Variants in EYS observed in about 807,000 individuals in gnomAD.
The protein encoded by EYS is protein eyes shut homolog.
In EYS, 250 loss-of-function variants were observed where a neutral mutation model predicts 282.1. The ratio of observed to expected loss-of-function variants is 0.89; its 90% CI spans 0.80 to 0.98. The LOEUF is 0.98. Ranked by LOEUF, EYS falls within the 50% of genes least tolerant of loss-of-function variation. The pLI, the probability that EYS is intolerant of heterozygous loss-of-function variation, is 0.00. For synonymous variants in EYS, 1,355 were observed against 1,282.9 expected (o/e 1.06, Z -1.20); for missense variants, 4,016 against 3,709.0 (o/e 1.08, Z -2.15).
intron 26 of EYS, among the ~76,000 whole-genome samples, chr6:64,483,640 G>A (rs1330235432): frequency 1.3e-5 from 2 of 151,404 alleles, no homozygotes; most frequent in African/African-American, 2.4e-5. Context: ...TTCTGAATAG[G>A]GAAGCCTGCC....
intron 12 of EYS, among the ~76,000 whole-genome samples, chr6:65,148,828 G>C (rs1206539773): frequency 6.6e-6 from 1 of 152,058 alleles, no homozygotes; most frequent in Non-Finnish European, 1.5e-5. Flanking sequence ...CTTGACTTCT[G>C]TGTACCCACA....
At chr6:65,059,528 A>G (rs929618168) in intron 12 of EYS, among the ~76,000 whole-genome samples, 3 of 152,096 alleles carry the variant, frequency 2.0e-5, no homozygotes, top group Non-Finnish European at 4.4e-5. Flanking sequence ...TCTTCCTTAC[A>G]CTTCAAAGGG....
intron 36 of EYS, among the ~76,000 whole-genome samples, chr6:63,838,826 T>C (rs1771875882): frequency 6.6e-6 from 1 of 152,194 alleles, no homozygotes. Context: ...AAATTCTAGA[T>C]ATTATAGCTC....
chr6:65,694,919 T>C lies in EYS; in HGVS notation c.-448+12216A>G, dbSNP rs535903097. Among the ~76,000 whole-genome samples, 3 of 152,026 alleles carry C rather than the reference T, an allele frequency of 2.0e-5. No individual in the cohort carries two copies. In the South Asian group the frequency reaches 6.2e-4, roughly 32 times the overall value. The stretch of plus-strand genomic sequence containing the variant: ...AAAAATTATTAATAAAATATAAAAT[T>C]TGATATAATGACTAAGAGAGAAAAT... On this transcript the variant is annotated intron_variant, in intron 1 of 42. Coordinates refer to ENST00000503581, the MANE Select transcript of EYS (RefSeq NM_001142800.2).
At chr6:64,382,110 G>T (rs1294047716) in intron 29 of EYS, among the ~76,000 whole-genome samples, 1 of 152,042 alleles carries the variant, frequency 6.6e-6, no homozygotes, top group African/African-American at 2.4e-5. Context: ...TCAAAACTTT[G>T]TTCTTCTGGC....
At chr6:64,172,556 A>G (rs1259376739) in intron 31 of EYS, among the ~76,000 whole-genome samples, 1 of 152,188 alleles carries the variant, frequency 6.6e-6, no homozygotes, top group Non-Finnish European at 1.5e-5. Flanking sequence ...CTTATGACCC[A>G]TCAGTCTCAC....
chr6:65,361,647 C>T (rs929817617), intron 8 of EYS, among the ~76,000 whole-genome samples: 4 of 151,986 alleles, frequency 2.6e-5, no homozygotes, highest in South Asian at 4.2e-4. Context: ...CCATGACTGG[C>T]TATTTACATA....
chr6:64,601,058 G>C (rs1198126417), intron 24 of EYS, among the ~76,000 whole-genome samples: 2 of 151,836 alleles, frequency 1.3e-5, no homozygotes, highest in African/African-American at 4.8e-5. Flanking sequence ...TAAAAAACTT[G>C]GTTTCTCTCT....
At chr6:64,979,296 T>A (rs568999864) in intron 14 of EYS, among the ~76,000 whole-genome samples, 6 of 151,776 alleles carry the variant, frequency 4.0e-5, no homozygotes, top group Non-Finnish European at 8.8e-5. Flanking sequence ...TAAAACAAGA[T>A]GAAAATAAAT....
At chr6:65,228,773 T>C (rs1487514582) in intron 12 of EYS, among the ~76,000 whole-genome samples, 2 of 152,082 alleles carry the variant, frequency 1.3e-5, no homozygotes, top group Non-Finnish European at 2.9e-5. Flanking sequence ...GTTATAATGC[T>C]GTAGTAATCA....
chr6:65,276,627 T>C (rs1484023679), intron 12 of EYS, among the ~76,000 whole-genome samples: 1 of 152,098 alleles, frequency 6.6e-6, no homozygotes, highest in Non-Finnish European at 1.5e-5. Flanking sequence ...GGTATTACAA[T>C]GCTCTTTGAT....
chr6:64,613,570 G>T (rs918413687), intron 24 of EYS, among the ~76,000 whole-genome samples: 7 of 152,104 alleles, frequency 4.6e-5, no homozygotes, highest in Admixed American at 2.0e-4. Context: ...TGGAGAGACA[G>T]TCAGGCAGGT....
At chr6:63,891,790 A>C (rs1581941905) in intron 35 of EYS, among the ~76,000 whole-genome samples, 1 of 152,292 alleles carries the variant, frequency 6.6e-6, no homozygotes, top group East Asian at 1.9e-4. Context: ...AGAGAATTCA[A>C]ATTGCCTGTT....
At chr6:65,151,067 CAT>C (rs1470860613) in intron 12 of EYS, among the ~76,000 whole-genome samples, 1 of 151,820 alleles carries the variant, frequency 6.6e-6, no homozygotes. Flanking sequence ...TATGGAAAAA[CAT>C]AGAATATTAT....
chr6:63,779,491 T>C (rs894316340), intron 39 of EYS, among the ~76,000 whole-genome samples: 2 of 151,560 alleles, frequency 1.3e-5, no homozygotes. Flanking sequence ...ATAACTTTTC[T>C]ACCCCAAGAT....
intron 5 of EYS, among the ~76,000 whole-genome samples, chr6:65,475,427 T>C (rs146699870): frequency 0.01 from 1,537 of 152,180 alleles, 22 homozygotes; most frequent in African/African-American, 0.035. Flanking sequence ...AATTTTAAAA[T>C]AAACCGAAAA....
intron 33 of EYS, among the ~76,000 whole-genome samples, chr6:64,048,282 C>T (rs1205430126): frequency 2.6e-5 from 4 of 152,152 alleles, no homozygotes; most frequent in African/African-American, 9.7e-5. Context: ...CTCAGGGACA[C>T]ACACCCATTT....
At chr6:64,674,074 G>A (rs900657438) in intron 22 of EYS, among the ~76,000 whole-genome samples, 6 of 152,046 alleles carry the variant, frequency 3.9e-5, no homozygotes, top group Non-Finnish European at 2.9e-5. Flanking sequence ...GACATTTCTT[G>A]ACTAGTGATA....
chr6:65,565,410 G>A (rs151113462), intron 2 of EYS, among the ~76,000 whole-genome samples: 2,284 of 151,930 alleles, frequency 0.015, 56 homozygotes, highest in African/African-American at 0.053. Context: ...ACCATCTTAC[G>A]CCAGTTAGAA....
Sources: allele counts gnomAD v4.1 joint callset (sites outside exome capture counted in the v4.1 genomes callset), GRCh38; gene constraint gnomAD v4.1.1; transcripts MANE v1.5; gene names NCBI Gene and HGNC (gene_info 2026-07-23, HGNC 2026-07-21).